The following ZNF385D variants were observed in gnomAD, a reference collection of about 807,000 sequenced individuals.
ZNF385D encodes zinc finger protein 385D.
A neutral mutation model predicts 35.8 loss-of-function variants in ZNF385D; 15 were observed. That is an observed-to-expected ratio of 0.42 (90% confidence interval 0.28 to 0.64). The LOEUF is 0.64. Among genes scored for constraint, ZNF385D ranks in the 30% least tolerant of loss-of-function variants. ZNF385D has a pLI of 0.23. For missense variants in ZNF385D, 474 were observed against 494.6 expected (o/e 0.96, Z 0.39); for synonymous variants, 212 against 186.8 (o/e 1.13, Z -1.10).
intron 2 of ZNF385D, among the ~76,000 whole-genome samples, chr3:22,198,403 G>A (rs759727475): frequency 6.6e-6 from 1 of 152,080 alleles, no homozygotes; most frequent in Non-Finnish European, 1.5e-5. Flanking sequence ...TAATGATCTG[G>A]TACTAAGCAT....
In ZNF385D at chr3:21,964,553, A is replaced by G. The variant is rs572497647; in HGVS notation, c.325+204264T>C. Among the ~76,000 whole-genome samples the G allele has an allele frequency of 4.1e-4, 50 of 123,214 alleles. No homozygotes were observed. In the South Asian group the frequency reaches 0.012, roughly 29 times the overall value. The allele number at this position is 123,214 out of a possible 152,430, so 80.8% of individuals were successfully genotyped here. On this transcript the variant is annotated intron_variant, in intron 3 of 5. Coordinates refer to the ZNF385D transcript ENST00000494108. Reference sequence around the variant, plus strand: ...CGCCCAGGCTGGTGTGCAGTGACACAATCTTGGCTCACTGCAACCTCTGCC... The same window carrying G: ...CGCCCAGGCTGGTGTGCAGTGACACGATCTTGGCTCACTGCAACCTCTGCC...
chr3:22,344,987 G>T (rs1049733629), intron 2 of ZNF385D, among the ~76,000 whole-genome samples: 3 of 152,100 alleles, frequency 2.0e-5, no homozygotes, highest in African/African-American at 4.8e-5. Flanking sequence ...CTTCCTATAT[G>T]ATTCAGTCAT....
At chr3:21,897,916 G>A (rs1330600709) in intron 3 of ZNF385D, among the ~76,000 whole-genome samples, 1 of 152,002 alleles carries the variant, frequency 6.6e-6, no homozygotes, top group Non-Finnish European at 1.5e-5. Flanking sequence ...TATTATTTTT[G>A]TTGTTATTTG....
chr3:22,206,449 G>A (rs1222025071), intron 2 of ZNF385D, among the ~76,000 whole-genome samples: 1 of 151,866 alleles, frequency 6.6e-6, no homozygotes, highest in Non-Finnish European at 1.5e-5. Flanking sequence ...TATTTACAGA[G>A]AATTTCATCC....
intron 2 of ZNF385D, among the ~76,000 whole-genome samples, chr3:22,206,707 T>C (rs933583683): frequency 1.3e-5 from 2 of 151,832 alleles, no homozygotes; most frequent in African/African-American, 4.8e-5. Flanking sequence ...AATAAGTAAA[T>C]TGAAAAATTT....
At chr3:22,144,808 C>T (rs1263709680) in intron 3 of ZNF385D, among the ~76,000 whole-genome samples, 3 of 151,994 alleles carry the variant, frequency 2.0e-5, no homozygotes, top group Non-Finnish European at 2.9e-5. Context: ...GCTGTATTTT[C>T]AAAATCAAAC....
chr3:21,984,508 C>G (rs1419759486), intron 3 of ZNF385D, among the ~76,000 whole-genome samples: 4 of 131,066 alleles, frequency 3.1e-5, no homozygotes, highest in African/African-American at 1.2e-4. Context: ...GGGCTCTGTT[C>G]TGTTCCATTG....
intron 2 of ZNF385D, among the ~76,000 whole-genome samples, chr3:21,625,312 T>C (rs993098662): frequency 6.6e-6 from 1 of 152,016 alleles, no homozygotes; most frequent in Non-Finnish European, 1.5e-5. Flanking sequence ...ATATATGAAA[T>C]GATCCAAAGG....
chr3:21,663,919 T>TATATATATATATA (rs1201308131), intron 2 of ZNF385D, among the ~76,000 whole-genome samples: 122 of 39,130 alleles, frequency 3.1e-3, no homozygotes, highest in African/African-American at 5.6e-3. Flanking sequence ...ATATATATAT[T>TATATATATATATA]TATTTATTTA....
chr3:22,013,392 A>G (rs1273470224), intron 3 of ZNF385D, among the ~76,000 whole-genome samples: 1 of 152,124 alleles, frequency 6.6e-6, no homozygotes, highest in Non-Finnish European at 1.5e-5. Flanking sequence ...ACCAAAGCCA[A>G]CCATATTATG....
At chr3:21,665,874 A>G (rs2066390933) in intron 1 of ZNF385D, among the ~76,000 whole-genome samples, 1 of 152,228 alleles carries the variant, frequency 6.6e-6, no homozygotes, top group African/African-American at 2.4e-5. Context: ...ATTCCAAAAC[A>G]TCAATTTGCT....
intron 2 of ZNF385D, among the ~76,000 whole-genome samples, chr3:21,578,945 G>T (rs1418909162): frequency 2.0e-5 from 3 of 152,032 alleles, no homozygotes; most frequent in Non-Finnish European, 2.9e-5. Context: ...AATATCTATG[G>T]AGAAAACTTC....
chr3:21,921,610 G>A lies in ZNF385D; in HGVS notation c.325+247207C>T, dbSNP rs549618202. Among the ~76,000 whole-genome samples the A allele has an allele frequency of 8.5e-5, 13 of 152,070 alleles. No individual in the cohort carries two copies. In the East Asian group the frequency reaches 1.9e-3, roughly 23 times the overall value. The stretch of plus-strand genomic sequence containing the variant: ...TATTTACCAGGATTATGAAAATGCA[G>A]TAGATGGAGAAAACACCTAAAAAAA... On this transcript the variant is annotated intron_variant, in intron 3 of 5. Coordinates refer to the ZNF385D transcript ENST00000494108.
intron 3 of ZNF385D, among the ~76,000 whole-genome samples, chr3:21,864,927 T>G (rs939194299): frequency 6.8e-6 from 1 of 146,712 alleles, no homozygotes. Context: ...ACTTACCAAA[T>G]AGTCAAACAT....
chr3:21,607,909 A>G (rs1368581925), intron 2 of ZNF385D, among the ~76,000 whole-genome samples: 2 of 151,992 alleles, frequency 1.3e-5, no homozygotes, highest in South Asian at 2.1e-4. Flanking sequence ...AGTTTTCATG[A>G]GATGTCCCCT....
At chr3:21,516,878 A>G (rs1171734400) in intron 3 of ZNF385D, among the ~76,000 whole-genome samples, 1 of 152,168 alleles carries the variant, frequency 6.6e-6, no homozygotes, top group Non-Finnish European at 1.5e-5. Flanking sequence ...ACCAGAAAAG[A>G]AAAAATGAAT....
At chr3:21,526,685 T>C (rs1708244440) in intron 3 of ZNF385D, among the ~76,000 whole-genome samples, 1 of 152,140 alleles carries the variant, frequency 6.6e-6, no homozygotes, top group Admixed American at 6.5e-5. Context: ...TCGCAACATG[T>C]ATATTATTGG....
chr3:21,606,231 C>T (rs1485032580), intron 2 of ZNF385D, among the ~76,000 whole-genome samples: 3 of 152,282 alleles, frequency 2.0e-5, no homozygotes, highest in African/African-American at 7.2e-5. Flanking sequence ...TTCTGGGCTC[C>T]AGCAACAGTA....
At chr3:21,651,513 T>A (rs77749833) in intron 2 of ZNF385D, among the ~76,000 whole-genome samples, 1 of 149,876 alleles carries the variant, frequency 6.7e-6, no homozygotes, top group African/African-American at 2.5e-5. Flanking sequence ...CAATGTGGTA[T>A]TTTTTTTTTC....
Sources: allele counts gnomAD v4.1 joint callset (sites outside exome capture counted in the v4.1 genomes callset), GRCh38; gene constraint gnomAD v4.1.1; transcripts MANE v1.5; gene names NCBI Gene and HGNC (gene_info 2026-07-23, HGNC 2026-07-21).